PACSIN1: variants seen among roughly 807,000 people sequenced by gnomAD.
PACSIN1 encodes the protein protein kinase C and casein kinase substrate in neurons protein 1.
A neutral mutation model predicts 59.5 loss-of-function variants in PACSIN1; 15 were observed. The ratio of observed to expected loss-of-function variants is 0.25; its 90% CI spans 0.17 to 0.39. The LOEUF is 0.39. Ranked by LOEUF, PACSIN1 falls within the 10% of genes least tolerant of loss-of-function variation. PACSIN1 has a pLI of 1.00. For missense variants in PACSIN1, 420 were observed against 580.2 expected (o/e 0.72, Z 2.84); for synonymous variants, 210 against 220.6 (o/e 0.95, Z 0.42).
At chr6:34,508,433 T>G (rs1482266910) in intron 1 of PACSIN1, among the ~76,000 whole-genome samples, 1 of 152,104 alleles carries the variant, frequency 6.6e-6, no homozygotes. Flanking sequence ...TTCTTTATTT[T>G]TATATTTATT....
rs566150820 is a variant in PACSIN1 at position 34,475,266 on chromosome 6, T to C, written c.-64+8996T>C. 2.4e-4 allele frequency among the ~76,000 whole-genome samples: 37 copies of C among 151,930 alleles called. No individual in the cohort carries two copies. In the East Asian group the frequency reaches 7.2e-3, roughly 29 times the overall value. On this transcript the variant is annotated intron_variant, in intron 1 of 9. Transcript: ENST00000244458. ...CCACAGAGCTGACCGCCTCCTCCTCTCACATTGCTAGCTCCTCTACTTTCA... is the reference window on the plus strand; with the variant it reads ...CCACAGAGCTGACCGCCTCCTCCTCCCACATTGCTAGCTCCTCTACTTTCA...
chr6:34,528,892 CTG>C lies in PACSIN1; in HGVS notation c.456+16_456+17del. On this transcript the variant is annotated intron_variant, in intron 4 of 9. Coordinates refer to ENST00000244458, the MANE Select transcript of PACSIN1 (RefSeq NM_020804.5). Reference sequence around the variant, plus strand: ...AGATGAAGGAGGTGCTCAGTGGGTGCTGCCACGGGCGGGGTGGGGTGGGCCCG... The same window carrying C: ...AGATGAAGGAGGTGCTCAGTGGGTGCCCACGGGCGGGGTGGGGTGGGCCCG... 4 of 704,698 alleles carry C rather than the reference CTG, an allele frequency of 5.7e-6. No individual in the cohort carries two copies. The highest frequency in any genetic ancestry group is 1.4e-5 in the South Asian group (1 of 73,368). 43.7% of individuals were successfully genotyped at this position (704,698 alleles called of 1,614,324 possible).
chr6:34,511,211 A>T lies in PACSIN1; in HGVS notation c.-63-15032A>T, dbSNP rs533662090. ...AAACTAGCATGGGATTTAGTCAGAC[A>T]CCTCAGTATTGACACCAGCTTCATT... On this transcript the variant is annotated intron_variant, in intron 1 of 9. Transcript: ENST00000244458. Among the ~76,000 whole-genome samples the T allele has an allele frequency of 2.0e-5, 3 of 152,278 alleles. No individual in the cohort carries two copies. In the East Asian group the frequency reaches 5.8e-4, roughly 29 times the overall value.
At chr6:34,481,411 G>A (rs148416697) in intron 1 of PACSIN1, among the ~76,000 whole-genome samples, 1,701 of 152,202 alleles carry the variant, frequency 0.011, 46 homozygotes, top group East Asian at 0.095. Context: ...GGCCGGGTGC[G>A]GTGGCTCACG....
chr6:34,482,737 T>C (rs1766738052), intron 1 of PACSIN1, among the ~76,000 whole-genome samples: 1 of 151,238 alleles, frequency 6.6e-6, no homozygotes, highest in South Asian at 2.1e-4. Flanking sequence ...TGGAAAGCAA[T>C]GGCATGATAT....
At chr6:34,524,396 T>A (rs752534298) in intron 1 of PACSIN1, among the ~76,000 whole-genome samples, 1 of 152,142 alleles carries the variant, frequency 6.6e-6, no homozygotes, top group Non-Finnish European at 1.5e-5. Context: ...CAAAAGGACC[T>A]ACAGAGAAAA....
At chr6:34,469,161 G>T (rs951545562) in intron 1 of PACSIN1, among the ~76,000 whole-genome samples, 1 of 151,664 alleles carries the variant, frequency 6.6e-6, no homozygotes, top group Non-Finnish European at 1.5e-5. Context: ...AGGTGGAGGG[G>T]TTGGGGGACG....
chr6:34,488,845 C>A lies in PACSIN1; in HGVS notation c.-64+22575C>A, dbSNP rs546457103. On this transcript the variant is annotated intron_variant, in intron 1 of 9. Coordinates refer to ENST00000244458, the MANE Select transcript of PACSIN1 (RefSeq NM_020804.5). This position sits in a 1 kb window ranked among gnomAD's most constrained non-coding sequence, Gnocchi z 4.7. ...AAAATGCTGGGATTACAGGCGTGAG[C>A]CACCTCACCCGGCCTATTATTTTTT... Among the ~76,000 whole-genome samples, 10 of 152,266 alleles carry A rather than the reference C, an allele frequency of 6.6e-5. No homozygotes were observed. The East Asian group carries it at 1.3e-3, about 21-fold the overall frequency.
intron 4 of PACSIN1, 21 bp downstream of exon 4, chr6:34,528,898 C>CGGCCGG: frequency 3.4e-6 from 1 of 298,364 alleles, no homozygotes; most frequent in Non-Finnish European, 6.2e-6. Context: ...GGTGCTGCCA[C>CGGCCGG]GGGCGGGGTG....
At chr6:34,492,862 A>G (rs1415531551) in intron 1 of PACSIN1, among the ~76,000 whole-genome samples, 1 of 152,246 alleles carries the variant, frequency 6.6e-6, no homozygotes, top group Admixed American at 6.5e-5. Context: ...ACTGGATAGT[A>G]TGCTCACTAC....
At position 34,468,387 on chromosome 6, in the gene PACSIN1, G is replaced by A. The variant is rs150319627; in HGVS notation, c.-64+2117G>A. ...AGAAGGGACTCAACCCCCTCCCTCA[G>A]GTTGCCAGCTATTTTCCAGAGTTGA... On this transcript the variant is annotated intron_variant, in intron 1 of 9. Transcript: ENST00000244458. Among the ~76,000 whole-genome samples the A allele has an allele frequency of 2.2e-4, 34 of 152,346 alleles. No homozygotes were observed. The East Asian group carries it at 5.6e-3, about 25-fold the overall frequency.
rs964925264 is a variant in PACSIN1 at position 34,530,206 on chromosome 6, T to A, written c.789-37T>A. On this transcript the variant is annotated intron_variant, in intron 6 of 9. Coordinates refer to ENST00000244458, the MANE Select transcript of PACSIN1 (RefSeq NM_020804.5). This position sits in a 1 kb window ranked among gnomAD's most constrained non-coding sequence, Gnocchi z 4.4. ...AAGGTTGAGGAGGGGCCATGTTGAA[T>A]CTGTGCCCTCCACCTCCCCCATCTC... The A allele has an allele frequency of 6.3e-7, 1 of 1,581,368 alleles. No individual in the cohort carries two copies. The highest frequency in any genetic ancestry group is 8.6e-7 in the Non-Finnish European group (1 of 1,159,106).
chr6:34,480,885 G>A (rs767846181), intron 1 of PACSIN1, among the ~76,000 whole-genome samples: 1 of 151,722 alleles, frequency 6.6e-6, no homozygotes, highest in Admixed American at 6.6e-5. Flanking sequence ...CATTCTTGCA[G>A]GTATGTGGTT....
chr6:34,490,007 G>T (rs1766851668), intron 1 of PACSIN1, among the ~76,000 whole-genome samples: 1 of 152,028 alleles, frequency 6.6e-6, no homozygotes, highest in South Asian at 2.1e-4. Context: ...ACTTCTCAAA[G>T]GACCAGGACT....
intron 1 of PACSIN1, among the ~76,000 whole-genome samples, chr6:34,474,784 G>C (rs1472013772): frequency 2.4e-5 from 2 of 83,124 alleles, no homozygotes; most frequent in African/African-American, 8.9e-5. Flanking sequence ...GCAAGACTCT[G>C]TCTCAGAAAA....
In PACSIN1 at chr6:34,529,431, G is replaced by T; in HGVS notation, c.491G>T (p.Cys164Phe). The T allele has an allele frequency of 1.2e-6, 2 of 1,614,180 alleles. No homozygotes were observed. Among genetic ancestry groups the T allele is most frequent in the Non-Finnish European group, 1.7e-6 (2 of 1,180,032 alleles). ...GCCAAGAAGGCCTACCATTTGGCTT[G>T]CAAAGAGGAAAAGCTGGCCATGACA... ...EAAKKAYHLA[C>F]KEEKLAMTRE... The change falls in exon 5 of 10, where the codon TGC becomes TTC. Residue 164 changes from cysteine (C) to phenylalanine (F), a missense_variant. By Grantham distance (205) the Cys-to-Phe change is radical. Transcript: ENST00000244458. The surrounding 1 kb of genome is among the most constrained non-coding windows in gnomAD (Gnocchi z 6.3).
rs966506912 is a variant in PACSIN1 at position 34,515,279 on chromosome 6, C to G, written c.-63-10964C>G. Among the ~76,000 whole-genome samples, 5 of 152,224 alleles carry G rather than the reference C, an allele frequency of 3.3e-5. No homozygotes were observed. Among genetic ancestry groups the G allele is most frequent in the Non-Finnish European group, 7.3e-5 (5 of 68,040 alleles). ...ACCTTGATCCTCCTCATCAGGGGGA[C>G]TGTCCCTGTTGCCTTTCCTCCTCTG... On this transcript the variant is annotated intron_variant, in intron 1 of 9. Coordinates refer to ENST00000244458, the MANE Select transcript of PACSIN1 (RefSeq NM_020804.5). This position sits in a 1 kb window ranked among gnomAD's most constrained non-coding sequence, Gnocchi z 4.4.
chr6:34,474,986 T>G (rs1421758188), intron 1 of PACSIN1, among the ~76,000 whole-genome samples: 1 of 152,128 alleles, frequency 6.6e-6, no homozygotes, highest in East Asian at 1.9e-4. Context: ...CCCAAAGGCC[T>G]ACATGGCTCA....
At chr6:34,496,462 G>A (rs551349618) in intron 1 of PACSIN1, among the ~76,000 whole-genome samples, 2 of 152,322 alleles carry the variant, frequency 1.3e-5, no homozygotes, top group Non-Finnish European at 2.9e-5. Context: ...AGCTCTTGGC[G>A]CAGAGGCTGC....
Sources: allele counts gnomAD v4.1 joint callset (sites outside exome capture counted in the v4.1 genomes callset), GRCh38; gene constraint gnomAD v4.1.1; non-coding constraint Gnocchi (gnomAD v3.1); transcripts MANE v1.5; gene names NCBI Gene and HGNC (gene_info 2026-07-23, HGNC 2026-07-21).